The following SLC24A3 variants were observed in gnomAD, a reference collection of about 807,000 sequenced individuals.
SLC24A3 encodes sodium/potassium/calcium exchanger 3.
In SLC24A3, 28 loss-of-function variants were observed where a neutral mutation model predicts 75.8. The observed-to-expected ratio is 0.37, with a 90% CI of 0.27 to 0.51. SLC24A3 has a LOEUF of 0.51. Ranked by LOEUF, SLC24A3 falls within the 20% of genes least tolerant of loss-of-function variation. The pLI, the probability that SLC24A3 is intolerant of heterozygous loss-of-function variation, is 0.94. For missense variants in SLC24A3, 663 were observed against 847.8 expected (o/e 0.78, Z 2.71); for synonymous variants, 372 against 334.1 (o/e 1.11, Z -1.24).
intron 1 of SLC24A3, among the ~76,000 whole-genome samples, chr20:19,224,110 G>A (rs1231005088): frequency 9.1e-6 from 1 of 109,394 alleles, no homozygotes; most frequent in East Asian, 2.8e-4. Context: ...CCCATGTGGT[G>A]TGAGTGTGTG....
intron 1 of SLC24A3, among the ~76,000 whole-genome samples, chr20:19,277,303 G>A (rs374295923): frequency 2.2e-4 from 33 of 152,312 alleles, no homozygotes; most frequent in African/African-American, 7.9e-4. Context: ...GATGAAACAT[G>A]GTGAAGAATG....
intron 3 of SLC24A3, among the ~76,000 whole-genome samples, chr20:19,542,418 A>T (rs1162497793): frequency 6.6e-6 from 1 of 152,156 alleles, no homozygotes; most frequent in Non-Finnish European, 1.5e-5. Context: ...ACTGGAAACC[A>T]CGCCTAGGAC....
At chr20:19,346,077 A>ATATG (rs1985393478) in intron 2 of SLC24A3, among the ~76,000 whole-genome samples, 1 of 60,300 alleles carries the variant, frequency 1.7e-5, no homozygotes, top group African/African-American at 1.6e-4. Context: ...ATATATATAT[A>ATATG]TATATATATA....
rs146299826 is a variant in SLC24A3, at chr20:19,304,098, C to T, written c.271+23011C>T. ...TAATTTCAACGGAATATAATGTCCC[C>T]GTAGAGCAAGTTTAAACAAGTTAAC... On this transcript the variant is annotated intron_variant, in intron 2 of 16. Transcript: ENST00000328041. Among the ~76,000 whole-genome samples the T allele has an allele frequency of 3.7e-3, 569 of 152,250 alleles. 5 individuals are homozygous for T. Among genetic ancestry groups the T allele is most frequent in the African/African-American group, 0.012 (502 of 41,542 alleles).
intron 6 of SLC24A3, among the ~76,000 whole-genome samples, chr20:19,591,444 T>G (rs914144094): frequency 6.6e-6 from 1 of 152,108 alleles, no homozygotes; most frequent in African/African-American, 2.4e-5. Flanking sequence ...CCAGCCCCAT[T>G]GTTGTGATTC....
chr20:19,403,541 A>G (rs1986588961), intron 2 of SLC24A3, among the ~76,000 whole-genome samples: 1 of 152,214 alleles, frequency 6.6e-6, no homozygotes, highest in African/African-American at 2.4e-5. Flanking sequence ...ACATTGATGT[A>G]TTTAATTATA....
At chr20:19,557,525 C>A (rs1018783849) in intron 3 of SLC24A3, among the ~76,000 whole-genome samples, 7 of 151,990 alleles carry the variant, frequency 4.6e-5, no homozygotes, top group African/African-American at 1.7e-4. Flanking sequence ...TCTCCAAAAC[C>A]ACCCTAAGTG....
At chr20:19,711,377 AACGC>A (rs1250898857) in intron 15 of SLC24A3, among the ~76,000 whole-genome samples, 1 of 145,212 alleles carries the variant, frequency 6.9e-6, no homozygotes, top group Non-Finnish European at 1.5e-5. Context: ...CATGCAAGCA[AACGC>A]ACACATATCC....
At chr20:19,456,570 AG>A (rs1411887254) in intron 2 of SLC24A3, among the ~76,000 whole-genome samples, 1 of 152,208 alleles carries the variant, frequency 6.6e-6, no homozygotes, top group African/African-American at 2.4e-5. Flanking sequence ...TAAATTGCCC[AG>A]TCTTTATTGG....
At chr20:19,283,783 G>A (rs1350734511) in intron 2 of SLC24A3, among the ~76,000 whole-genome samples, 1 of 152,212 alleles carries the variant, frequency 6.6e-6, no homozygotes, top group Non-Finnish European at 1.5e-5. Flanking sequence ...TACTAATAAA[G>A]TGTGGACAGC....
At chr20:19,701,926 G>A (rs1304896352) in intron 15 of SLC24A3, among the ~76,000 whole-genome samples, 3 of 152,196 alleles carry the variant, frequency 2.0e-5, no homozygotes, top group African/African-American at 7.2e-5. Context: ...ACAGGCAGGA[G>A]CAGAGAATGA....
chr20:19,285,382 G>A (rs1282968976), intron 2 of SLC24A3, among the ~76,000 whole-genome samples: 1 of 150,016 alleles, frequency 6.7e-6, no homozygotes, highest in East Asian at 2.0e-4. Flanking sequence ...GGGGGCTGAG[G>A]TGGAAGGATC....
At chr20:19,711,146 C>CAT (rs2032984399) in intron 15 of SLC24A3, among the ~76,000 whole-genome samples, 1 of 151,548 alleles carries the variant, frequency 6.6e-6, no homozygotes, top group Non-Finnish European at 1.5e-5. Flanking sequence ...CACACACACA[C>CAT]ATCCACACAT....
At chr20:19,344,447 CATTTAA>C (rs1985343065) in intron 2 of SLC24A3, among the ~76,000 whole-genome samples, 1 of 152,132 alleles carries the variant, frequency 6.6e-6, no homozygotes, top group African/African-American at 2.4e-5. Context: ...CTGAGACTAG[CATTTAA>C]ATTCAGTAGT....
chr20:19,326,364 G>A (rs533781477), intron 2 of SLC24A3, among the ~76,000 whole-genome samples: 1 of 152,140 alleles, frequency 6.6e-6, no homozygotes, highest in African/African-American at 2.4e-5. Context: ...GGGGACTATG[G>A]GCTGGGAGAG....
At chr20:19,609,483 A>G (rs1242404759) in intron 6 of SLC24A3, among the ~76,000 whole-genome samples, 1 of 152,128 alleles carries the variant, frequency 6.6e-6, no homozygotes, top group Non-Finnish European at 1.5e-5. Context: ...TACATGTACC[A>G]TGGTGGTTTG....
At chr20:19,408,704 T>C (rs1289515199) in intron 2 of SLC24A3, among the ~76,000 whole-genome samples, 1 of 152,190 alleles carries the variant, frequency 6.6e-6, no homozygotes, top group African/African-American at 2.4e-5. Flanking sequence ...AATACTGTTC[T>C]GATGACCATC....
At chr20:19,675,035 G>A (rs992859562) in intron 9 of SLC24A3, among the ~76,000 whole-genome samples, 4 of 152,262 alleles carry the variant, frequency 2.6e-5, no homozygotes, top group Admixed American at 1.3e-4. Flanking sequence ...GTGACAGAGC[G>A]AGACTCCATC....
chr20:19,585,387 C>G, intron 5 of SLC24A3, 54 bp from the exon 6 acceptor site: 2 of 1,552,034 alleles, frequency 1.3e-6, no homozygotes, highest in Non-Finnish European at 1.8e-6. Flanking sequence ...CCATGCCCAC[C>G]TTGGAATGCA....
Sources: gnomAD v4.1 joint callset for allele counts (sites outside exome capture counted in the v4.1 genomes callset) on GRCh38, gnomAD v4.1.1 for gene constraint, MANE v1.5 for transcripts, NCBI Gene and HGNC (gene_info 2026-07-23, HGNC 2026-07-21) for gene names.